Variants in GRIA4 observed in about 807,000 individuals in gnomAD.
GRIA4 encodes the protein glutamate receptor 4.
Under a neutral mutation model 104.0 loss-of-function variants are expected in GRIA4, and 34 were observed. The observed-to-expected ratio is 0.33, with a 90% CI of 0.25 to 0.44. GRIA4 has a LOEUF of 0.44. Among genes scored for constraint, GRIA4 ranks in the 20% least tolerant of loss-of-function variants. GRIA4 has a pLI of 1.00. For missense variants in GRIA4, 750 were observed against 1,096.5 expected (o/e 0.68, Z 4.46); for synonymous variants, 386 against 381.9 (o/e 1.01, Z -0.13).
chr11:105,939,173 G>A (rs1948124074), intron 14 of GRIA4, among the ~76,000 whole-genome samples: 1 of 152,016 alleles, frequency 6.6e-6, no homozygotes, highest in Admixed American at 6.6e-5. Context: ...CTCCTGAGTG[G>A]GTTCCAACTG....
At chr11:105,721,948 C>T (rs553663630) in intron 3 of GRIA4, among the ~76,000 whole-genome samples, 1 of 152,216 alleles carries the variant, frequency 6.6e-6, no homozygotes, top group African/African-American at 2.4e-5. Flanking sequence ...ATGTCAATTG[C>T]AGTAAATCTA....
chr11:105,972,512 A>T (rs1040585464), intron 15 of GRIA4, among the ~76,000 whole-genome samples: 4 of 152,098 alleles, frequency 2.6e-5, no homozygotes, highest in African/African-American at 9.6e-5. Flanking sequence ...TAGTTTGAAG[A>T]ACCTCCATTA....
intron 14 of GRIA4, among the ~76,000 whole-genome samples, chr11:105,942,159 G>A (rs556328492): frequency 6.6e-6 from 1 of 152,108 alleles, no homozygotes; most frequent in East Asian, 1.9e-4. Flanking sequence ...GCTTATATCT[G>A]AAGCTAGTCA....
intron 14 of GRIA4, among the ~76,000 whole-genome samples, chr11:105,971,651 C>A (rs1858699756): frequency 2.6e-5 from 4 of 152,144 alleles, no homozygotes; most frequent in Admixed American, 2.6e-4. Flanking sequence ...GTTCCAGAAA[C>A]CCAACCAAGG....
chr11:105,826,471 C>G (rs1351841136), intron 4 of GRIA4, among the ~76,000 whole-genome samples: 1 of 151,964 alleles, frequency 6.6e-6, no homozygotes, highest in African/African-American at 2.4e-5. Flanking sequence ...CATACAGCAG[C>G]CAATATTCAC....
chr11:105,795,493 A>G, intron 4 of GRIA4, among the ~76,000 whole-genome samples: 1 of 152,124 alleles, frequency 6.6e-6, no homozygotes, highest in Admixed American at 6.6e-5. Context: ...TGAATGTGTG[A>G]TGTGGACGTT....
At chr11:105,955,587 T>C (rs1437625171) in intron 14 of GRIA4, among the ~76,000 whole-genome samples, 1 of 152,210 alleles carries the variant, frequency 6.6e-6, no homozygotes, top group Non-Finnish European at 1.5e-5. Flanking sequence ...TAAACATGTG[T>C]GCATGTGTCT....
intron 4 of GRIA4, among the ~76,000 whole-genome samples, chr11:105,768,090 A>G (rs920458156): frequency 1.3e-5 from 2 of 152,118 alleles, no homozygotes; most frequent in African/African-American, 4.8e-5. Flanking sequence ...TTCAGCATGG[A>G]CATCTGAGTC....
chr11:105,884,039 TG>T (rs1356528644), intron 5 of GRIA4, among the ~76,000 whole-genome samples: 1 of 152,186 alleles, frequency 6.6e-6, no homozygotes, highest in Non-Finnish European at 1.5e-5. Context: ...CCAGTTAGAA[TG>T]GTGATCATTA....
intron 3 of GRIA4, among the ~76,000 whole-genome samples, chr11:105,669,889 C>A (rs1052994164): frequency 6.6e-6 from 1 of 151,936 alleles, no homozygotes; most frequent in Non-Finnish European, 1.5e-5. Flanking sequence ...CTGCTGATCC[C>A]GGATGGATAC....
At chr11:105,833,229 AG>A (rs1944047084) in intron 4 of GRIA4, among the ~76,000 whole-genome samples, 2 of 152,002 alleles carry the variant, frequency 1.3e-5, no homozygotes, top group Admixed American at 1.3e-4. Flanking sequence ...GGGTTACGAT[AG>A]GGTTATTATC....
chr11:105,847,716 C>T (rs533808174), intron 4 of GRIA4, among the ~76,000 whole-genome samples: 12 of 152,250 alleles, frequency 7.9e-5, no homozygotes, highest in Middle Eastern at 3.4e-3. Context: ...CCCCAAAAAG[C>T]AACTTTGGAT....
intron 3 of GRIA4, among the ~76,000 whole-genome samples, chr11:105,688,162 C>G (rs866313744): frequency 2.2e-5 from 3 of 136,776 alleles, no homozygotes; most frequent in Admixed American, 2.1e-4. Context: ...ATATCTCTAT[C>G]TATCTATCTA....
At chr11:105,611,616 C>T (rs1020252404) in intron 2 of GRIA4, among the ~76,000 whole-genome samples, 11 of 152,142 alleles carry the variant, frequency 7.2e-5, no homozygotes, top group Non-Finnish European at 1.2e-4. Flanking sequence ...GGAAGCTTCT[C>T]CCCTTTTATT....
At position 105,972,018 on chromosome 11, in the gene GRIA4, C is replaced by G. The variant is rs1490238236; in HGVS notation, c.2399C>G (p.Ser800Cys). The part of the protein sequence containing the change: ...YDKGECGPKD[S>C]GSKDKTSALS... ...AAAGGTGAATGTGGACCCAAGGACT[C>G]TGGAAGCAAGGTCAGTCGCTGCAGT... Residue 800 changes from serine (S) to cysteine (C), a missense_variant, in exon 15 of 17, where the codon TCT (serine) becomes TGT (cysteine). Around this residue, in one of 3 missense-constraint regions of GRIA4, gnomAD observed 272 missense variants for 524.5 expected, o/e 0.52. Coordinates refer to ENST00000282499, the MANE Select transcript of GRIA4 (RefSeq NM_000829.4). The G allele has an allele frequency of 6.2e-7, 1 of 1,608,568 alleles. No individual in the cohort carries two copies. The highest frequency in any genetic ancestry group is 1.1e-5 in the South Asian group (1 of 90,966).
chr11:105,926,195 T>G (rs1245435596), intron 12 of GRIA4, among the ~76,000 whole-genome samples: 1 of 146,234 alleles, frequency 6.8e-6, no homozygotes, highest in Non-Finnish European at 1.5e-5. Flanking sequence ...CATCCCATCA[T>G]CCTGGCAGGG....
chr11:105,918,928 T>C lies in GRIA4; in HGVS notation c.1476+10T>C. The C allele has an allele frequency of 2.6e-6, 4 of 1,532,976 alleles. No homozygotes were observed. Among genetic ancestry groups the C allele is most frequent in the South Asian group, 2.2e-5 (2 of 89,486 alleles). The allele number at this position is 1,532,976 out of a possible 1,614,324, so 95.0% of individuals were successfully genotyped here. A position where few individuals can be genotyped will look rare whatever the true frequency, so the allele number is the denominator to read the frequency against. On this transcript the variant is annotated intron_variant, in intron 11 of 16. Coordinates refer to ENST00000282499, the MANE Select transcript of GRIA4 (RefSeq NM_000829.4). ...AGAACTTGTTTATGGGGTAAGCAAA[T>C]CAACTTATTGAAGAATTTACTTACA...
At chr11:105,654,174 T>C (rs1002011579) in intron 3 of GRIA4, among the ~76,000 whole-genome samples, 19 of 151,970 alleles carry the variant, frequency 1.3e-4, no homozygotes, top group Non-Finnish European at 2.5e-4. Flanking sequence ...AGGTAATGGT[T>C]AGCAGAGGTT....
chr11:105,722,569 C>A (rs1358006812), intron 3 of GRIA4, among the ~76,000 whole-genome samples: 2 of 151,972 alleles, frequency 1.3e-5, no homozygotes, highest in Non-Finnish European at 2.9e-5. Context: ...AAAGGTTGTA[C>A]CAATTCATGT....
Sources: gnomAD v4.1 joint callset for allele counts (sites outside exome capture counted in the v4.1 genomes callset) on GRCh38, gnomAD v4.1.1 for gene constraint, gnomAD v4.1.1 regional missense constraint, MANE v1.5 for transcripts, NCBI Gene and HGNC (gene_info 2026-07-23, HGNC 2026-07-21) for gene names.